ADGB: variants seen among roughly 807,000 people sequenced by gnomAD.
ADGB encodes androglobin, also known as calpain-7-like protein.
ADGB carries 172 observed loss-of-function variants against 210.5 expected under a neutral mutation model. The ratio of observed to expected loss-of-function variants is 0.82; its 90% CI spans 0.72 to 0.93. The LOEUF is 0.93. ADGB is among the 40% of genes least tolerant of loss of function. The pLI is 0.00. For synonymous variants in ADGB, 658 were observed against 662.7 expected (o/e 0.99, Z 0.11); for missense variants, 2,025 against 1,964.8 (o/e 1.03, Z -0.58).
intron 28 of ADGB, among the ~76,000 whole-genome samples, chr6:146,766,989 A>G (rs577998558): frequency 9.1e-4 from 139 of 152,356 alleles, no homozygotes; most frequent in African/African-American, 3.1e-3. Context: ...AACATTTGAC[A>G]AAGTTTAACA....
At chr6:146,688,010 C>T (rs1010926115) in intron 10 of ADGB, among the ~76,000 whole-genome samples, 1 of 152,086 alleles carries the variant, frequency 6.6e-6, no homozygotes, top group African/African-American at 2.4e-5. Context: ...TAAAAACTCA[C>T]ATCTGTTTAT....
intron 15 of ADGB, 28 bp downstream of exon 15, chr6:146,717,097 CTA>C: frequency 6.5e-7 from 1 of 1,526,852 alleles, no homozygotes; most frequent in Admixed American, 2.0e-5. Context: ...ATCAATCTGA[CTA>C]TGTCGTAGTG....
intron 29 of ADGB, among the ~76,000 whole-genome samples, chr6:146,771,532 C>T (rs1390890073): frequency 6.6e-6 from 1 of 152,134 alleles, no homozygotes; most frequent in Non-Finnish European, 1.5e-5. Flanking sequence ...AAAGCAAAAT[C>T]TCTTAGCTCA....
Position 146,746,039 on chromosome 6 carries a change from C to A in ADGB, c.3295C>A (p.Pro1099Thr). 1 of 1,551,078 alleles carries A rather than the reference C, an allele frequency of 6.4e-7. No individual in the cohort carries two copies. Residue 1099 changes from proline (P) to threonine (T), a missense_variant, in exon 26 of 36, where the codon CCA (proline) becomes ACA (threonine). Coordinates refer to ENST00000397944, the MANE Select transcript of ADGB (RefSeq NM_024694.4). ...APLPCLSRDS[P>T]CNSFAIKEIR... is the part of the protein sequence containing the mutation. Reference sequence around the variant, plus strand: ...ACTGCCATGCCTCTCTCGAGACTCTCCATGCAATTCCTTTGCCATAAAGGA... The same window carrying A: ...ACTGCCATGCCTCTCTCGAGACTCTACATGCAATTCCTTTGCCATAAAGGA...
intron 12 of ADGB, among the ~76,000 whole-genome samples, chr6:146,695,560 A>G (rs1000280631): frequency 6.6e-6 from 1 of 151,868 alleles, no homozygotes; most frequent in African/African-American, 2.4e-5. Flanking sequence ...TCTTTCCTGT[A>G]TGGTAGGCAC....
intron 1 of ADGB, among the ~76,000 whole-genome samples, chr6:146,632,501 T>A (rs1003511226): frequency 3.3e-5 from 5 of 152,118 alleles, no homozygotes; most frequent in African/African-American, 1.2e-4. Flanking sequence ...TTCCAGGGAC[T>A]AAGATGTGTA....
At chr6:146,673,060 T>C (rs537595887) in intron 8 of ADGB, among the ~76,000 whole-genome samples, 1 of 152,196 alleles carries the variant, frequency 6.6e-6, no homozygotes, top group South Asian at 2.1e-4. Flanking sequence ...GTCTTATCTA[T>C]GTAAAACCCA....
intron 1 of ADGB, among the ~76,000 whole-genome samples, chr6:146,611,036 C>T (rs1348696690): frequency 8.5e-5 from 13 of 152,110 alleles, no homozygotes; most frequent in Admixed American, 8.5e-4. Context: ...GTATGGCAGT[C>T]AAGGGAGGCT....
chr6:146,704,585 C>T (rs746732595), intron 13 of ADGB, among the ~76,000 whole-genome samples: 3 of 151,904 alleles, frequency 2.0e-5, no homozygotes, highest in Non-Finnish European at 4.4e-5. Context: ...GTGTTCTTGT[C>T]AATCTTTTTC....
chr6:146,706,961 A>G (rs10457805), intron 13 of ADGB, among the ~76,000 whole-genome samples: 29,603 of 149,962 alleles, frequency 0.2, 3,702 homozygotes, highest in Non-Finnish European at 0.29. Flanking sequence ...CCTGAGGTGT[A>G]ACATTATGTT....
intron 13 of ADGB, among the ~76,000 whole-genome samples, chr6:146,706,261 C>CT (rs139087431): frequency 1.4e-3 from 202 of 142,530 alleles, no homozygotes; most frequent in Non-Finnish European, 1.8e-3. Context: ...TTTTCTTTTT[C>CT]TTTTTTTTTT....
At chr6:146,599,574 G>T (rs1032975229) in intron 1 of ADGB, among the ~76,000 whole-genome samples, 3 of 152,170 alleles carry the variant, frequency 2.0e-5, no homozygotes, top group African/African-American at 7.2e-5. Context: ...CAACGACTAC[G>T]ATCTTTAATC....
chr6:146,601,532 C>T lies in ADGB; in HGVS notation c.74+2418C>T, dbSNP rs187842167. Among the ~76,000 whole-genome samples, 437 of 152,244 alleles carry T rather than the reference C, an allele frequency of 2.9e-3. 1 individual carries two copies. Among genetic ancestry groups the T allele is most frequent in the Non-Finnish European group, 5.5e-3 (372 of 67,994 alleles). On this transcript the variant is annotated intron_variant, in intron 1 of 35. Coordinates refer to ENST00000397944, the MANE Select transcript of ADGB (RefSeq NM_024694.4). ...GGACAAAGTGTTACTCAGTATGAGG[C>T]GTAGGGATCAAAGTCTAGCAAGGCT...
chr6:146,624,715 C>T (rs563311421), intron 1 of ADGB, among the ~76,000 whole-genome samples: 6 of 151,886 alleles, frequency 4.0e-5, no homozygotes, highest in South Asian at 2.1e-4. Flanking sequence ...CTAGGTATTT[C>T]GTCCTATAAA....
At chr6:146,728,068 G>A (rs1776923655) in intron 19 of ADGB, among the ~76,000 whole-genome samples, 1 of 152,142 alleles carries the variant, frequency 6.6e-6, no homozygotes, top group Non-Finnish European at 1.5e-5. Context: ...AACCACAACA[G>A]CTCCAAACAC....
intron 33 of ADGB, among the ~76,000 whole-genome samples, chr6:146,798,237 A>G (rs2114661501): frequency 6.6e-6 from 1 of 152,308 alleles, no homozygotes; most frequent in African/African-American, 2.4e-5. Context: ...AAGAAAGGTA[A>G]TTATGTAGGT....
At chr6:146,727,193 T>A (rs962868326) in intron 19 of ADGB, among the ~76,000 whole-genome samples, 7 of 143,372 alleles carry the variant, frequency 4.9e-5, no homozygotes, top group Non-Finnish European at 9.3e-5. Flanking sequence ...AAAAAAAAAA[T>A]TCCAAATAGC....
At chr6:146,672,002 G>T (rs1055613068) in intron 7 of ADGB, among the ~76,000 whole-genome samples, 1 of 152,084 alleles carries the variant, frequency 6.6e-6, no homozygotes, top group South Asian at 2.1e-4. Context: ...CCATGGTTTT[G>T]GTCGCTTTGT....
chr6:146,722,121 G>A (rs991110853), intron 17 of ADGB, among the ~76,000 whole-genome samples: 5 of 151,980 alleles, frequency 3.3e-5, no homozygotes, highest in African/African-American at 9.7e-5. Context: ...ATTGAAAAAC[G>A]AACTATTTTT....
Sources: gnomAD v4.1 joint callset for allele counts (sites outside exome capture counted in the v4.1 genomes callset) on GRCh38, gnomAD v4.1.1 for gene constraint, MANE v1.5 for transcripts, NCBI Gene and HGNC (gene_info 2026-07-23, HGNC 2026-07-21) for gene names.